The following CRIM1 variants were observed in gnomAD, a reference collection of about 807,000 sequenced individuals.
CRIM1 encodes cysteine rich transmembrane BMP regulator 1, also known as cysteine-rich motor neuron 1 protein.
CRIM1 carries 32 observed loss-of-function variants against 116.4 expected under a neutral mutation model. The observed-to-expected ratio is 0.27, with a 90% CI of 0.21 to 0.37. CRIM1 has a LOEUF of 0.37. Among genes scored for constraint, CRIM1 ranks in the 10% least tolerant of loss-of-function variants. CRIM1 has a pLI of 1.00. For synonymous variants in CRIM1, 590 were observed against 509.2 expected (o/e 1.16, Z -2.13); for missense variants, 1,331 against 1,354.8 (o/e 0.98, Z 0.28).
At chr2:36,357,868 T>G (rs1296883137) in intron 1 of CRIM1, among the ~76,000 whole-genome samples, 1 of 152,200 alleles carries the variant, frequency 6.6e-6, no homozygotes, top group African/African-American at 2.4e-5. Flanking sequence ...TTGTTTAGTA[T>G]GCTGGGATAC....
chr2:36,393,272 C>T (rs1305433989), intron 1 of CRIM1, among the ~76,000 whole-genome samples: 1 of 152,088 alleles, frequency 6.6e-6, no homozygotes, highest in Non-Finnish European at 1.5e-5. Flanking sequence ...AAATGTGTGC[C>T]TCATACAGTG....
intron 1 of CRIM1, among the ~76,000 whole-genome samples, chr2:36,384,157 T>C (rs1476553591): frequency 1.3e-5 from 2 of 152,188 alleles, no homozygotes; most frequent in Admixed American, 6.5e-5. Flanking sequence ...TTGAGGTTGA[T>C]TGAAGACCTG....
rs1396837954 is a variant in CRIM1 at position 36,479,668 on chromosome 2, C to T, written c.1346C>T (p.Pro449Leu). 1.9e-6 allele frequency: 3 copies of T among 1,614,032 alleles called. No individual in the cohort carries two copies. The highest frequency in any genetic ancestry group is 2.7e-5 in the African/African-American group (2 of 74,916). The change falls in exon 7 of 17, where the codon CCT becomes CTT. Residue 449 changes from proline (P) to leucine (L), a missense_variant. Transcript: ENST00000280527. The part of the protein sequence containing the change: ...GQTCTNPVKV[P>L]GECCPVCEEP... ...ACCTGCACAAACCCTGTGAAAGTGCCTGGGGAGTGTTGCCCTGTGTGCGAA... is the reference window on the plus strand; with the variant it reads ...ACCTGCACAAACCCTGTGAAAGTGCTTGGGGAGTGTTGCCCTGTGTGCGAA...
chr2:36,446,272 C>G (rs545208857), intron 4 of CRIM1, among the ~76,000 whole-genome samples: 6 of 152,308 alleles, frequency 3.9e-5, no homozygotes, highest in African/African-American at 1.4e-4. Flanking sequence ...CATTCGGGCC[C>G]TTAACTGCCC....
At chr2:36,372,294 T>A (rs1423172528) in intron 1 of CRIM1, among the ~76,000 whole-genome samples, 1 of 152,216 alleles carries the variant, frequency 6.6e-6, no homozygotes, top group Admixed American at 6.5e-5. Flanking sequence ...CCAAACCCTA[T>A]GACTTCAGAG....
At chr2:36,490,200 A>G (rs1680127162) in intron 7 of CRIM1, among the ~76,000 whole-genome samples, 1 of 152,228 alleles carries the variant, frequency 6.6e-6, no homozygotes, top group African/African-American at 2.4e-5. Context: ...GACCAGTTAT[A>G]GCTCTGAGCA....
rs1040561038 is a variant in CRIM1 at position 36,548,994 on chromosome 2, T to C, written c.*293T>C. ...GATATTTGGGGTGGGGACAGTGAGT[T>C]TGGATGGGGAAATGGGTGGGAGGGT... On this transcript the variant is annotated 3_prime_UTR_variant, in exon 17 of 17. Coordinates refer to ENST00000280527, the MANE Select transcript of CRIM1 (RefSeq NM_016441.3). 2 of 195,928 alleles carry C rather than the reference T, an allele frequency of 1.0e-5. No individual in the cohort carries two copies. The highest frequency in any genetic ancestry group is 4.6e-5 in the African/African-American group (2 of 43,040). The allele number at this position is 195,928 out of a possible 1,614,324, so 12.1% of individuals were successfully genotyped here.
chr2:36,369,517 T>C (rs1459347177), intron 1 of CRIM1, among the ~76,000 whole-genome samples: 1 of 152,152 alleles, frequency 6.6e-6, no homozygotes, highest in African/African-American at 2.4e-5. Context: ...CCAATAACAG[T>C]GTCTGCATTA....
At chr2:36,432,702 C>A (rs1674987645) in intron 2 of CRIM1, among the ~76,000 whole-genome samples, 2 of 152,002 alleles carry the variant, frequency 1.3e-5, no homozygotes, top group Non-Finnish European at 2.9e-5. Flanking sequence ...AGCTTTAAAT[C>A]TCCTGGGAGT....
At chr2:36,530,156 T>C (rs1308375916) in intron 13 of CRIM1, among the ~76,000 whole-genome samples, 3 of 152,232 alleles carry the variant, frequency 2.0e-5, no homozygotes, top group African/African-American at 7.2e-5. Flanking sequence ...AATGACTGTG[T>C]ATTAGATCTC....
chr2:36,413,164 C>T (rs1442003788), intron 2 of CRIM1, among the ~76,000 whole-genome samples: 2 of 152,104 alleles, frequency 1.3e-5, no homozygotes, highest in Non-Finnish European at 2.9e-5. Context: ...GAAAGCGATA[C>T]CAGGATTTTC....
rs769857707 is a variant in CRIM1, at chr2:36,499,244, A to C, written c.1398A>C (p.Pro466=). 15 of 1,612,170 alleles carry C rather than the reference A, an allele frequency of 9.3e-6. No individual in the cohort carries two copies. The East Asian group carries it at 3.1e-4, about 34-fold the overall frequency. The change falls in exon 8 of 17, where the codon CCA becomes CCC. Residue 466 remains proline, a synonymous_variant. Transcript: ENST00000280527. ...AACCAACCATCATCACAGTTGATCC[A>C]CCTGCATGTGGGGAGTTATCAAACT... ...CEEPTIITVD[P]PACGELSNCT...
chr2:36,490,880 T>C (rs560074950), intron 7 of CRIM1, among the ~76,000 whole-genome samples: 2 of 152,304 alleles, frequency 1.3e-5, no homozygotes, highest in South Asian at 4.1e-4. Flanking sequence ...CTGCTCAGCC[T>C]CCATCAGTCT....
intron 7 of CRIM1, among the ~76,000 whole-genome samples, chr2:36,494,586 A>G (rs1434086037): frequency 1.3e-5 from 2 of 152,166 alleles, no homozygotes; most frequent in South Asian, 2.1e-4. Flanking sequence ...TGGACAGTGT[A>G]AGGTGCTTGG....
intron 5 of CRIM1, among the ~76,000 whole-genome samples, chr2:36,466,040 C>T (rs1677988566): frequency 2.1e-5 from 2 of 94,212 alleles, no homozygotes; most frequent in South Asian, 5.8e-4. Context: ...CGCCCGCCAC[C>T]ACACGCGGCT....
At chr2:36,486,730 G>T (rs1170905689) in intron 7 of CRIM1, among the ~76,000 whole-genome samples, 3 of 152,146 alleles carry the variant, frequency 2.0e-5, no homozygotes. Context: ...GCATCTAATA[G>T]ATCAGACTTG....
rs755750682 is a variant in CRIM1, at chr2:36,356,534, A to C, written c.242A>C (p.Tyr81Ser). The C allele has an allele frequency of 8.1e-6, 13 of 1,612,742 alleles. No individual in the cohort carries two copies. Among genetic ancestry groups the C allele is most frequent in the African/African-American group, 1.3e-5 (1 of 74,968 alleles). Residue 81 changes from tyrosine (Y) to serine (S), a missense_variant, in exon 1 of 17, where the codon TAC (tyrosine) becomes TCC (serine). By Grantham distance (144) the Tyr-to-Ser change is moderately radical. Coordinates refer to ENST00000280527, the MANE Select transcript of CRIM1 (RefSeq NM_016441.3). This position sits in a 1 kb window ranked among gnomAD's most constrained non-coding sequence, Gnocchi z 4.3. ...NESCGGTFGI[Y>S]GTCDRGLRCV... is the part of the protein sequence containing the mutation. ...AGCTGCGGCGGCACCTTCGGGATTT[A>C]CGGAACCTGCGACCGGGGGCTGCGT...
chr2:36,525,944 A>G (rs970948922), intron 13 of CRIM1, among the ~76,000 whole-genome samples: 17 of 152,338 alleles, frequency 1.1e-4, no homozygotes, highest in African/African-American at 4.1e-4. Flanking sequence ...TTGTCAAGTC[A>G]CTAATGAGCA....
intron 7 of CRIM1, among the ~76,000 whole-genome samples, chr2:36,481,976 C>T (rs1209136144): frequency 6.6e-6 from 1 of 152,150 alleles, no homozygotes; most frequent in Non-Finnish European, 1.5e-5. Flanking sequence ...ATGTGATCGT[C>T]CACCTACTGT....
Sources: gnomAD v4.1 joint callset for allele counts (sites outside exome capture counted in the v4.1 genomes callset) on GRCh38, gnomAD v4.1.1 for gene constraint, Gnocchi (gnomAD v3.1) non-coding constraint, MANE v1.5 for transcripts, NCBI Gene and HGNC (gene_info 2026-07-23, HGNC 2026-07-21) for gene names.